The following STAB2 variants were observed in gnomAD, a reference collection of about 807,000 sequenced individuals.
STAB2 encodes stabilin-2.
A neutral mutation model predicts 338.1 loss-of-function variants in STAB2; 288 were observed. The observed-to-expected ratio is 0.85, with a 90% confidence interval of 0.77 to 0.94. STAB2 has a LOEUF of 0.94. Ranked by LOEUF, STAB2 falls within the 40% of genes least tolerant of loss-of-function variation. STAB2 has a pLI of 0.00. For synonymous variants in STAB2, 1,202 were observed against 1,193.3 expected (o/e 1.01, Z -0.15); for missense variants, 3,141 against 3,210.1 (o/e 0.98, Z 0.52).
chr12:103,606,260 T>C (rs1957026178), intron 3 of STAB2, among the ~76,000 whole-genome samples: 1 of 152,176 alleles, frequency 6.6e-6, no homozygotes, highest in Non-Finnish European at 1.5e-5. Context: ...AACAATATAC[T>C]TCTATTTCTA....
At position 103,637,977 on chromosome 12, in the gene STAB2, G is replaced by A. The variant is rs200256088; in HGVS notation, c.710-39G>A. 3.3e-5 allele frequency: 53 copies of A among 1,586,670 alleles called. 1 individual carries two copies. The highest frequency in any genetic ancestry group is 2.0e-4 in the East Asian group (9 of 44,336). ...GGTTCAGTTTTCCTTCTCCATCCCCGTTAACTAACTGCCTCTCATTTTGCT... is the reference window on the plus strand; with the variant it reads ...GGTTCAGTTTTCCTTCTCCATCCCCATTAACTAACTGCCTCTCATTTTGCT... On this transcript the variant is annotated intron_variant, in intron 7 of 68. Coordinates refer to ENST00000388887, the MANE Select transcript of STAB2 (RefSeq NM_017564.10).
rs1565987525 is a variant in STAB2 at position 103,654,681 on chromosome 12, T to C, written c.1534T>C (p.Phe512Leu). ...DRAMDKLEPT[F>L]ESNNEQTIMT... is the part of the protein sequence containing the mutation. ...AGCCATGGACAAGTTAGAACCCACA[T>C]TTGAGAGCAACAATGAGGTGAGTAT... is the stretch of plus-strand genomic sequence containing the variant. Residue 512 changes from phenylalanine (F) to leucine (L), a missense_variant, in exon 13 of 69, where the codon TTT becomes CTT. By Grantham distance (22) the Phe-to-Leu change is conservative (BLOSUM62 0). Transcript: ENST00000388887. The C allele has an allele frequency of 2.5e-6, 4 of 1,613,942 alleles. No homozygotes were observed. In the South Asian group the frequency reaches 3.3e-5, roughly 13 times the overall value.
At chr12:103,710,354 T>A (rs901026419) in intron 39 of STAB2, among the ~76,000 whole-genome samples, 1 of 152,092 alleles carries the variant, frequency 6.6e-6, no homozygotes, top group East Asian at 1.9e-4. Context: ...AAATAAATGT[T>A]TAGTAAAAGG....
intron 9 of STAB2, 123 bp downstream of exon 9, chr12:103,640,379 A>G: frequency 8.0e-7 from 1 of 1,245,356 alleles, no homozygotes; most frequent in Non-Finnish European, 1.1e-6. Flanking sequence ...CCCCCACCCC[A>G]CATAGTAGGA....
intron 24 of STAB2, among the ~76,000 whole-genome samples, chr12:103,676,397 G>A (rs1242933410): frequency 6.6e-6 from 1 of 152,110 alleles, no homozygotes; most frequent in East Asian, 1.9e-4. Flanking sequence ...TGATTGTTTG[G>A]GTTTTTTTAG....
intron 9 of STAB2, among the ~76,000 whole-genome samples, chr12:103,643,621 C>T (rs367783026): frequency 1.2e-4 from 18 of 152,068 alleles, no homozygotes; most frequent in East Asian, 3.9e-4. Flanking sequence ...TGAGCATAGG[C>T]GCTGCCAGTT....
At chr12:103,738,352 C>G (rs1337808211) in intron 53 of STAB2, among the ~76,000 whole-genome samples, 1 of 152,184 alleles carries the variant, frequency 6.6e-6, no homozygotes, top group Admixed American at 6.5e-5. Context: ...CATCCAGCAC[C>G]TTTACTGAGT....
chr12:103,620,624 A>AAC (rs34881989), intron 4 of STAB2, 71 bp downstream of exon 4: 105,713 of 836,480 alleles, frequency 0.13, 2,405 homozygotes, highest in Admixed American at 0.2. Flanking sequence ...ATCCTCCTTA[A>AAC]ACACACACAC....
intron 16 of STAB2, 36 bp from the exon 17 acceptor site, chr12:103,660,647 C>G (rs767359433): frequency 6.2e-7 from 1 of 1,610,572 alleles, no homozygotes; most frequent in South Asian, 1.1e-5. Flanking sequence ...CGTGTGGTCC[C>G]AAATATCTCT....
chr12:103,676,397 G>C (rs1242933410), intron 24 of STAB2, among the ~76,000 whole-genome samples: 1 of 152,110 alleles, frequency 6.6e-6, no homozygotes, highest in Non-Finnish European at 1.5e-5. Flanking sequence ...TGATTGTTTG[G>C]GTTTTTTTAG....
At chr12:103,700,406 G>A (rs1878760625) in intron 34 of STAB2, among the ~76,000 whole-genome samples, 1 of 152,122 alleles carries the variant, frequency 6.6e-6, no homozygotes, top group Admixed American at 6.5e-5. Flanking sequence ...TTTCTTCAGT[G>A]GTGTCACTAC....
chr12:103,662,697 C>A lies in STAB2; in HGVS notation c.1870-149C>A, dbSNP rs895061574. 7 of 875,510 alleles carry A rather than the reference C, an allele frequency of 8.0e-6. No individual in the cohort carries two copies. In the South Asian group the frequency reaches 9.6e-5, roughly 12 times the overall value. The allele number at this position is 875,510 out of a possible 1,614,324, so 54.2% of individuals were successfully genotyped here. A position where few individuals can be genotyped will look rare whatever the true frequency, so the allele number is the denominator to read the frequency against. On this transcript the variant is annotated intron_variant, in intron 17 of 68. Transcript: ENST00000388887. ...TCAATCTTTCCCTGTCAGCCAAACC[C>A]TTATAATAGCAACCTACCCTCCAAT...
intron 39 of STAB2, among the ~76,000 whole-genome samples, chr12:103,708,941 T>C (rs1879605903): frequency 6.6e-6 from 1 of 152,226 alleles, no homozygotes; most frequent in Non-Finnish European, 1.5e-5. Context: ...CATGCTACAC[T>C]TTTTTGAACC....
intron 44 of STAB2, among the ~76,000 whole-genome samples, chr12:103,720,862 G>C (rs1333674879): frequency 2.6e-5 from 4 of 152,168 alleles, no homozygotes; most frequent in Admixed American, 2.0e-4. Context: ...TCTGCTTCCT[G>C]GTTCACAGAC....
intron 25 of STAB2, among the ~76,000 whole-genome samples, chr12:103,682,261 T>A (rs887613903): frequency 2.4e-4 from 37 of 152,038 alleles, no homozygotes; most frequent in African/African-American, 8.9e-4. Flanking sequence ...TCAGATTGAG[T>A]GTGTCCACAT....
intron 10 of STAB2, among the ~76,000 whole-genome samples, chr12:103,649,551 A>G (rs1873583662): frequency 6.6e-6 from 1 of 152,236 alleles, no homozygotes; most frequent in Non-Finnish European, 1.5e-5. Flanking sequence ...AACTTTAAAA[A>G]TATCAGCTTT....
At chr12:103,696,135 A>T (rs1170403455) in intron 33 of STAB2, among the ~76,000 whole-genome samples, 1 of 152,120 alleles carries the variant, frequency 6.6e-6, no homozygotes, top group African/African-American at 2.4e-5. Context: ...TGAACAAAGG[A>T]AGCCCAAACC....
chr12:103,651,253 A>G (rs997442669), intron 11 of STAB2, among the ~76,000 whole-genome samples: 5 of 151,116 alleles, frequency 3.3e-5, no homozygotes, highest in African/African-American at 9.7e-5. Context: ...CTGGTATTCT[A>G]TATATCTTTC....
At chr12:103,629,214 T>C (rs1052418741) in intron 5 of STAB2, among the ~76,000 whole-genome samples, 2 of 152,150 alleles carry the variant, frequency 1.3e-5, no homozygotes, top group African/African-American at 4.8e-5. Context: ...GCATAAACGA[T>C]GTCACAGAAT....
Sources: gnomAD v4.1 joint callset for allele counts (sites outside exome capture counted in the v4.1 genomes callset) on GRCh38, gnomAD v4.1.1 for gene constraint, MANE v1.5 for transcripts, NCBI Gene and HGNC (gene_info 2026-07-23, HGNC 2026-07-21) for gene names.